LAMA4: variants seen among roughly 807,000 people sequenced by gnomAD.
The protein encoded by LAMA4 is laminin subunit alpha 4, also known as laminin subunit alpha-4.
LAMA4 carries 127 observed loss-of-function variants against 207.1 expected under a neutral mutation model. The observed-to-expected ratio is 0.61, with a 90% CI of 0.53 to 0.71. The LOEUF is 0.71. Ranked by LOEUF, LAMA4 falls within the 30% of genes least tolerant of loss-of-function variation. LAMA4 has a pLI of 0.00. For synonymous variants in LAMA4, 761 were observed against 816.0 expected, an observed-to-expected ratio of 0.93 and a Z score of 1.15; for missense variants, 2,093 against 2,246.5, an observed-to-expected ratio of 0.93 and a Z score of 1.38.
rs1301840239 is a variant in LAMA4 at position 112,172,677 on chromosome 6, G to A, written c.1485C>T (p.Ala495=). 1 of 1,613,672 alleles carries A rather than the reference G, an allele frequency of 6.2e-7. No individual in the cohort carries two copies. The highest frequency in any genetic ancestry group is 1.3e-5 in the African/African-American group (1 of 74,866). Residue 495 remains alanine, a synonymous_variant, in exon 12 of 39, where the codon GCC becomes GCT. Coordinates refer to ENST00000230538, the MANE Select transcript of LAMA4 (RefSeq NM_001105206.3). The stretch of plus-strand genomic sequence containing the variant: ...CTTCGGCATCCCTGACATAGTTAAG[G>A]GCCTGGTCAAGTGCTTCCTGGAGAT... ...LSDLQEALDQ[A]LNYVRDAEDM... is the part of the protein sequence containing the mutation.
In LAMA4 at chr6:112,253,956, C is replaced by T. The variant is rs1554190446; in HGVS notation, c.195G>A (p.Glu65=). 6.3e-7 allele frequency: 1 copy of T among 1,597,858 alleles called. No homozygotes were observed. Among genetic ancestry groups the T allele is most frequent in the Non-Finnish European group, 8.5e-7 (1 of 1,171,692 alleles). The change falls in exon 2 of 39, where the codon GAG becomes GAA. Residue 65 remains glutamate (E), a splice_region_variant and synonymous_variant. Transcript: ENST00000230538. ...VALGRLPPAA[E]KCNAGFFHTL... is the part of the protein sequence containing the mutation. ...GGTGGCAATGGCAGGGACACTGTAC[C>T]TCGGCCGCAGGCGGCAGGCGTCCCA... is the stretch of plus-strand genomic sequence containing the variant.
At chr6:112,248,067 C>G (rs1438610621) in intron 2 of LAMA4, among the ~76,000 whole-genome samples, 1 of 152,010 alleles carries the variant, frequency 6.6e-6, no homozygotes, top group Admixed American at 6.5e-5. Context: ...TTGTTGTTGC[C>G]AGGGGCTGGA....
intron 9 of LAMA4, among the ~76,000 whole-genome samples, chr6:112,183,018 G>A (rs1412739307): frequency 6.6e-6 from 1 of 152,138 alleles, no homozygotes; most frequent in Non-Finnish European, 1.5e-5. Flanking sequence ...AATTTAGAAA[G>A]GGAAGTTCAG....
At position 112,139,796 on chromosome 6, in the gene LAMA4, C is replaced by A; in HGVS notation, c.3066G>T (p.Lys1022Asn). ...NNDVISLYNF[K>N]HIYNMDPSTS... ...TGGAGGGGTCCATATTATAGATGTG[C>A]TTAAAGTTGTACAAGCTGATCACAT... is the stretch of plus-strand genomic sequence containing the variant. The change falls in exon 23 of 39, where the codon AAG becomes AAT. Residue 1022 changes from lysine (K) to asparagine (N), a missense_variant. By Grantham distance (94) the Lys-to-Asn change is moderately conservative. Coordinates refer to ENST00000230538, the MANE Select transcript of LAMA4 (RefSeq NM_001105206.3). 1 of 1,614,054 alleles carries A rather than the reference C, an allele frequency of 6.2e-7. No individual in the cohort carries two copies. The highest frequency in any genetic ancestry group is 8.5e-7 in the Non-Finnish European group (1 of 1,179,922).
At position 112,180,208 on chromosome 6, in the gene LAMA4, A is replaced by T. The variant is rs554324142; in HGVS notation, c.1078-1976T>A. The stretch of plus-strand genomic sequence containing the variant: ...GTCATTAAACTTATTATTTTTTGAT[A>T]TGGAAACTTCAGTTGAAGTGATGAG... On this transcript the variant is annotated intron_variant, in intron 9 of 38. Coordinates refer to ENST00000230538, the MANE Select transcript of LAMA4 (RefSeq NM_001105206.3). 1.7e-3 allele frequency among the ~76,000 whole-genome samples: 262 copies of T among 152,262 alleles called. 2 individuals are homozygous for T. In the South Asian group the frequency reaches 0.021, roughly 12 times the overall value.
chr6:112,174,931 T>A (rs377078961), intron 11 of LAMA4, among the ~76,000 whole-genome samples: 1 of 152,256 alleles, frequency 6.6e-6, no homozygotes, highest in Non-Finnish European at 1.5e-5. Flanking sequence ...ATTAAAGTCA[T>A]TCATGGTCTT....
At position 112,136,185 on chromosome 6, in the gene LAMA4, C is replaced by T; in HGVS notation, c.3352G>A (p.Gly1118Ser). ...AACGTATCTTCAAGATGCACAGGGC[C>T]ACCGCTGAATCCAAAATCATAGAAC... is the stretch of plus-strand genomic sequence containing the variant. ...HVFYDFGFSG[G>S]PVHLEDTLKK... The change falls in exon 25 of 39, where the codon GGC becomes AGC. Residue 1118 changes from glycine (G) to serine (S), a missense_variant. Coordinates refer to ENST00000230538, the MANE Select transcript of LAMA4 (RefSeq NM_001105206.3). The T allele has an allele frequency of 1.2e-6, 2 of 1,612,524 alleles. No individual in the cohort carries two copies. The highest frequency in any genetic ancestry group is 1.7e-6 in the Non-Finnish European group (2 of 1,178,702).
intron 6 of LAMA4, among the ~76,000 whole-genome samples, chr6:112,190,917 TTC>T (rs1491476411): frequency 3.0e-4 from 30 of 101,354 alleles, no homozygotes; most frequent in African/African-American, 9.7e-4. Context: ...CTTTCTTTCT[TTC>T]TTTCTTTCTT....
At chr6:112,162,963 A>ATTTTTTTT (rs1554338801) in intron 13 of LAMA4, among the ~76,000 whole-genome samples, 4 of 142,334 alleles carry the variant, frequency 2.8e-5, no homozygotes, top group Non-Finnish European at 6.0e-5. Flanking sequence ...TGCAGCTCAA[A>ATTTTTTTT]TCTTTTTTTT....
intron 6 of LAMA4, 80 bp downstream of exon 6, chr6:112,191,556 G>A: frequency 9.4e-7 from 1 of 1,068,930 alleles, no homozygotes; most frequent in Middle Eastern, 2.8e-4. Context: ...ACTTCCCCAA[G>A]AGAAATTCTT....
At chr6:112,180,192 CTT>C (rs1782272152) in intron 9 of LAMA4, among the ~76,000 whole-genome samples, 1 of 152,092 alleles carries the variant, frequency 6.6e-6, no homozygotes, top group Admixed American at 6.5e-5. Context: ...TGTCATTAAA[CTT>C]ATTATTTTTT....
chr6:112,178,575 C>T (rs115403553), intron 9 of LAMA4: 3,254 of 304,174 alleles, frequency 0.011, 29 homozygotes, highest in Middle Eastern at 0.048. Context: ...TCCCTCCCCA[C>T]TCCACTCTTC....
At chr6:112,193,194 AAG>A (rs1323683367) in intron 5 of LAMA4, among the ~76,000 whole-genome samples, 2 of 152,128 alleles carry the variant, frequency 1.3e-5, no homozygotes, top group Non-Finnish European at 2.9e-5. Context: ...GGGAAAAAGA[AAG>A]AGAGCCAGCA....
Position 112,182,670 on chromosome 6 carries a change from C to T in LAMA4, c.1077+2567G>A, listed in dbSNP as rs549765645. ...GGAGATGGTGCAGTACCTCCTGAGC[C>T]GCCCTTGGAGACTGTGCTTTGTAAC... On this transcript the variant is annotated intron_variant, in intron 9 of 38. Transcript: ENST00000230538. Among the ~76,000 whole-genome samples the T allele has an allele frequency of 8.1e-4, 124 of 152,246 alleles. No individual in the cohort carries two copies. In the Middle Eastern group the frequency reaches 0.01, roughly 13 times the overall value.
intron 2 of LAMA4, among the ~76,000 whole-genome samples, chr6:112,228,996 A>T (rs1554363627): frequency 6.6e-6 from 1 of 152,172 alleles, no homozygotes; most frequent in African/African-American, 2.4e-5. Context: ...GTGATACCTG[A>T]TTCACTTTCT....
chr6:112,212,818 G>A (rs782104818), intron 3 of LAMA4, among the ~76,000 whole-genome samples: 7 of 152,114 alleles, frequency 4.6e-5, no homozygotes, highest in African/African-American at 9.7e-5. Flanking sequence ...CCTGTTCTTC[G>A]ACACCTGATG....
rs932551041 is a variant in LAMA4, at chr6:112,143,444, C to T, written c.2494-1152G>A. ...GGACTACAGGTGTGCGCCACCACGCCCAGCCAATTTTTGTATTTTGGTAGA... is the reference window on the plus strand; with the variant it reads ...GGACTACAGGTGTGCGCCACCACGCTCAGCCAATTTTTGTATTTTGGTAGA... On this transcript the variant is annotated intron_variant, in intron 19 of 38. Transcript: ENST00000230538. 5.9e-5 allele frequency among the ~76,000 whole-genome samples: 9 copies of T among 152,148 alleles called. 1 individual carries two copies. The South Asian group carries it at 1.0e-3, about 18-fold the overall frequency.
At chr6:112,151,388 T>G (rs2114758496) in intron 16 of LAMA4, among the ~76,000 whole-genome samples, 1 of 152,302 alleles carries the variant, frequency 6.6e-6, no homozygotes, top group Non-Finnish European at 1.5e-5. Context: ...GGCTTTCCCC[T>G]CTCATTTCCA....
intron 27 of LAMA4, among the ~76,000 whole-genome samples, 165 bp downstream of exon 27, chr6:112,133,184 C>G (rs959182920): frequency 6.6e-6 from 1 of 152,128 alleles, no homozygotes; most frequent in Non-Finnish European, 1.5e-5. Context: ...CAGAGGAACC[C>G]CATGCACAAG....
Sources: gnomAD v4.1 joint callset for allele counts (sites outside exome capture counted in the v4.1 genomes callset) on GRCh38, gnomAD v4.1.1 for gene constraint, MANE v1.5 for transcripts, NCBI Gene and HGNC (gene_info 2026-07-23, HGNC 2026-07-21) for gene names.